Variants in SP3 observed in about 807,000 individuals in gnomAD.
SP3 encodes Sp3 transcription factor.
In SP3, 10 loss-of-function variants were observed where a neutral mutation model predicts 70.3. The observed-to-expected ratio is 0.14, with a 90% confidence interval of 0.09 to 0.24. The LOEUF is 0.24. Among genes scored for constraint, SP3 ranks in the 10% least tolerant of loss-of-function variants. The pLI is 1.00. For synonymous variants in SP3, 402 were observed against 333.5 expected (o/e 1.21, Z -2.24); for missense variants, 825 against 914.6 (o/e 0.90, Z 1.26).
chr2:173,964,334 G>GGAGGGGAGAGGC, intron 2 of SP3, 71 bp downstream of exon 2: 2 of 635,792 alleles, frequency 3.1e-6, no homozygotes, highest in Non-Finnish European at 5.6e-6. Flanking sequence ...AGGCGAGGAG[G>GGAGGGGAGAGGC]GAGGGGAGAG....
chr2:173,923,436 C>T (rs1397279600), intron 4 of SP3, among the ~76,000 whole-genome samples: 2 of 152,062 alleles, frequency 1.3e-5, no homozygotes, highest in African/African-American at 4.8e-5. Flanking sequence ...GTATCAATAA[C>T]TCAGGGCATG....
chr2:173,953,661 G>A (rs528213556), intron 4 of SP3, among the ~76,000 whole-genome samples: 22 of 151,968 alleles, frequency 1.4e-4, no homozygotes, highest in African/African-American at 4.1e-4. Context: ...CCAGTTACTC[G>A]AGAGGCTGAG....
chr2:173,965,352 C>G lies in SP3; in HGVS notation c.-181G>C. ...AACACAAAAGGTGGAGCCTCCAGCC[C>G]AAAAGGGGGGAAGAGGGTGACAGCC... is the stretch of plus-strand genomic sequence containing the variant. On this transcript the variant is annotated 5_prime_UTR_variant, in exon 1 of 7. Transcript: ENST00000310015. 1 of 683,296 alleles carries G rather than the reference C, an allele frequency of 1.5e-6. No homozygotes were observed. The highest frequency in any genetic ancestry group is 2.0e-5 in the South Asian group (1 of 51,272). The allele number at this position is 683,296 out of a possible 1,614,324, so 42.3% of individuals were successfully genotyped here. A position where few individuals can be genotyped will look rare whatever the true frequency, so the allele number is the denominator to read the frequency against.
intron 4 of SP3, among the ~76,000 whole-genome samples, chr2:173,922,012 G>A (rs80086712): frequency 0.023 from 3,487 of 152,186 alleles, 74 homozygotes; most frequent in Non-Finnish European, 0.036. Context: ...AGACCCAGAT[G>A]CCAGCACTAT....
chr2:173,910,237 GACAA>G lies in SP3; in HGVS notation c.2046_2049del (p.Cys683GlnfsTer8). The G allele has an allele frequency of 6.2e-7, 1 of 1,613,596 alleles. No individual in the cohort carries two copies. Among genetic ancestry groups the G allele is most frequent in the Non-Finnish European group, 8.5e-7 (1 of 1,179,758 alleles). ...CTCATAAAGCGTTTTGAACATTCTG[GACAA>G]ACAAATTTCTTCTCACCTGTTAAGA... On this transcript the variant is annotated frameshift_variant, in exon 7 of 7. Transcript: ENST00000310015. LOFTEE classifies it high-confidence loss of function.
intron 3 of SP3, among the ~76,000 whole-genome samples, chr2:173,957,828 C>G (rs1690945042): frequency 6.6e-6 from 1 of 152,110 alleles, no homozygotes; most frequent in Non-Finnish European, 1.5e-5. Flanking sequence ...TAGGCCTGAA[C>G]TATAAAATAG....
chr2:173,909,781 A>C lies in SP3; in HGVS notation c.*160T>G. 1 of 576,664 alleles carries C rather than the reference A, an allele frequency of 1.7e-6. No individual in the cohort carries two copies. The highest frequency in any genetic ancestry group is 3.0e-6 in the Non-Finnish European group (1 of 329,808). The allele number at this position is 576,664 out of a possible 1,614,324, so 35.7% of individuals were successfully genotyped here. On this transcript the variant is annotated 3_prime_UTR_variant, in exon 7 of 7. Coordinates refer to ENST00000310015, the MANE Select transcript of SP3 (RefSeq NM_003111.5). Reference sequence around the variant, plus strand: ...TTTACCATTTTTAATATACTATGGAATATCATACAAAGTAAGGCATTTCAG... The same window carrying C: ...TTTACCATTTTTAATATACTATGGACTATCATACAAAGTAAGGCATTTCAG...
rs947010818 is a variant in SP3 at position 173,908,175 on chromosome 2, G to A, written c.*1766C>T. 1.3e-5 allele frequency: 2 copies of A among 152,020 alleles called. No individual in the cohort carries two copies. Among genetic ancestry groups the A allele is most frequent in the Admixed American group, 1.3e-4 (2 of 15,260 alleles). 9.4% of individuals were successfully genotyped at this position (152,020 alleles called of 1,614,324 possible). On this transcript the variant is annotated 3_prime_UTR_variant, in exon 7 of 7. Transcript: ENST00000310015. ...CCAACGCTTGTCTTATCATTTTCAG[G>A]AGTCTTAATGTAAATTCAGGTTTTC...
chr2:173,944,073 G>A (rs113364333), intron 4 of SP3, among the ~76,000 whole-genome samples: 9 of 152,158 alleles, frequency 5.9e-5, no homozygotes, highest in Admixed American at 5.2e-4. Flanking sequence ...TATGTGGTTC[G>A]CTGCTGACTG....
chr2:173,964,212 GGGCGA>G, intron 2 of SP3, 188 bp downstream of exon 2: 1 of 470,936 alleles, frequency 2.1e-6, no homozygotes, highest in Non-Finnish European at 3.7e-6. Context: ...GGCGGCAGGC[GGGCGA>G]GGCGGGGCGG....
upstream of SP3, chr2:173,965,383 G>T: frequency 3.4e-6 from 2 of 585,572 alleles, no homozygotes; most frequent in Non-Finnish European, 6.1e-6. Context: ...CAGCCCGCCC[G>T]GAACTCCCGC....
At position 173,908,816 on chromosome 2, in the gene SP3, C is replaced by T. The variant is rs755085605; in HGVS notation, c.*1125G>A. On this transcript the variant is annotated 3_prime_UTR_variant, in exon 7 of 7. Transcript: ENST00000310015. ...AATACAGCATAATAAAAAACATACG[C>T]TTCTCAATTAAATGTACTGGATACA... The T allele has an allele frequency of 1.2e-4, 18 of 151,634 alleles. No homozygotes were observed. The highest frequency in any genetic ancestry group is 2.2e-4 in the Non-Finnish European group (15 of 67,740). 9.4% of individuals were successfully genotyped at this position (151,634 alleles called of 1,614,324 possible).
chr2:173,915,199 A>C (rs1689591210), intron 5 of SP3: 1 of 152,246 alleles, frequency 6.6e-6, no homozygotes, highest in Non-Finnish European at 1.5e-5. Context: ...GGAAATAAGA[A>C]ATATTATTTG....
At chr2:173,920,302 C>T (rs879798513) in intron 4 of SP3, among the ~76,000 whole-genome samples, 1 of 151,996 alleles carries the variant, frequency 6.6e-6, no homozygotes, top group East Asian at 1.9e-4. Flanking sequence ...ACAGCACAGA[C>T]GTATTTTCAT....
chr2:173,911,560 C>G (rs879931127), intron 6 of SP3, among the ~76,000 whole-genome samples: 34 of 152,240 alleles, frequency 2.2e-4, no homozygotes, highest in African/African-American at 7.9e-4. Flanking sequence ...TTTAAAGGTC[C>G]TAAGAGGTAC....
chr2:173,918,470 C>T (rs1689666414), intron 5 of SP3, 123 bp downstream of exon 5: 2 of 1,002,908 alleles, frequency 2.0e-6, no homozygotes, highest in Non-Finnish European at 1.5e-6. Context: ...CACACGCATA[C>T]ACACACACCA....
intron 4 of SP3, among the ~76,000 whole-genome samples, chr2:173,939,764 C>CAAACAAAAAAAA (rs1690309011): frequency 1.4e-5 from 1 of 70,194 alleles, no homozygotes; most frequent in Non-Finnish European, 2.5e-5. Context: ...GACTCCAACT[C>CAAACAAAAAAAA]AAAAAAAAAA....
At chr2:173,912,868 CTTTA>C (rs1487847092) in intron 6 of SP3, among the ~76,000 whole-genome samples, 198 bp downstream of exon 6, 1 of 152,098 alleles carries the variant, frequency 6.6e-6, no homozygotes, top group African/African-American at 2.4e-5. Context: ...TTAAATATAA[CTTTA>C]TTTTAGAAGA....
intron 3 of SP3, among the ~76,000 whole-genome samples, chr2:173,959,834 T>C (rs967431443): frequency 6.6e-6 from 1 of 152,160 alleles, no homozygotes; most frequent in African/African-American, 2.4e-5. Flanking sequence ...AGCAAGATAA[T>C]CCTCTACATA....
Sources: allele counts gnomAD v4.1 joint callset (sites outside exome capture counted in the v4.1 genomes callset), GRCh38; gene constraint gnomAD v4.1.1; transcripts MANE v1.5; gene names NCBI Gene and HGNC (gene_info 2026-07-23, HGNC 2026-07-21).